The following MMEL1 variants were observed in gnomAD, a reference collection of about 807,000 sequenced individuals.
MMEL1 encodes the protein membrane metalloendopeptidase like 1.
In MMEL1, 98 loss-of-function variants were observed where a neutral mutation model predicts 117.1. The ratio of observed to expected loss-of-function variants is 0.84; its 90% CI spans 0.71 to 0.99. The LOEUF (loss-of-function observed/expected upper bound fraction) is 0.99. Ranked by LOEUF, MMEL1 falls within the 50% of genes least tolerant of loss-of-function variation. MMEL1 has a pLI of 0.00. For synonymous variants in MMEL1, 390 were observed against 415.1 expected, an observed-to-expected ratio of 0.94 and a Z score of 0.74; for missense variants, 1,014 against 1,049.1, an observed-to-expected ratio of 0.97 and a Z score of 0.46.
chr1:2,604,563 C>G (rs4648563), intron 9 of MMEL1, among the ~76,000 whole-genome samples: 62,763 of 151,906 alleles, frequency 0.41, 13,929 homozygotes, highest in African/African-American at 0.56. Context: ...TGCTGGGGCT[C>G]TCAGTGCTGG....
At chr1:2,607,111 G>A (rs998877920) in intron 6 of MMEL1, 42 bp from the exon 7 acceptor site, 1 of 1,555,728 alleles carries the variant, frequency 6.4e-7, no homozygotes, top group Non-Finnish European at 8.8e-7. Flanking sequence ...CCTCCCTGTG[G>A]CTCACGTGCC....
At chr1:2,605,469 G>T in intron 9 of MMEL1, 89 bp downstream of exon 9, 2 of 1,158,966 alleles carry the variant, frequency 1.7e-6, no homozygotes, top group African/African-American at 1.5e-5. Context: ...GCTTCGGGGA[G>T]GGAAGGCCAG....
At position 2,612,447 on chromosome 1, in the gene MMEL1, C is replaced by A. The variant is rs1645145973; in HGVS notation, c.155-243G>T. Among the ~76,000 whole-genome samples, 1 of 152,160 alleles carries A rather than the reference C, an allele frequency of 6.6e-6. No homozygotes were observed. The highest frequency in any genetic ancestry group is 2.4e-5 in the African/African-American group (1 of 41,424). ...GGCGGTTTGCCCTGCCTTGCCAGCC[C>A]CACCCTTTAATTCTCCCTCCACCCA... On this transcript the variant is annotated intron_variant, in intron 2 of 23. Coordinates refer to ENST00000378412, the MANE Select transcript of MMEL1 (RefSeq NM_033467.4). The surrounding 1 kb of genome is among the most constrained non-coding windows in gnomAD (Gnocchi z 5.4).
At chr1:2,593,090 A>G (rs1384826852) in intron 19 of MMEL1, 124 bp from the exon 20 acceptor site, 2 of 1,246,266 alleles carry the variant, frequency 1.6e-6, no homozygotes, top group East Asian at 2.3e-5. Context: ...GAGAGCCCAC[A>G]GTCTGAGTAG....
At chr1:2,621,545 C>T (rs1645288907) in intron 2 of MMEL1, among the ~76,000 whole-genome samples, 1 of 151,798 alleles carries the variant, frequency 6.6e-6, no homozygotes, top group South Asian at 2.1e-4. Context: ...TGGAGTTGTC[C>T]CACCTTTCTG....
Position 2,629,522 on chromosome 1 carries a change from C to G in MMEL1, c.-37-1G>C. 3 of 1,435,688 alleles carry G rather than the reference C, an allele frequency of 2.1e-6. No homozygotes were observed. In the South Asian group the frequency reaches 4.2e-5, roughly 20 times the overall value. 88.9% of individuals were successfully genotyped at this position (1,435,688 alleles called of 1,614,324 possible). A position where few individuals can be genotyped will look rare whatever the true frequency, so the allele number is the denominator to read the frequency against. On this transcript the variant is annotated splice_acceptor_variant, in intron 1 of 23. Transcript: ENST00000378412. LOFTEE classifies it low-confidence loss of function (5UTR_SPLICE). ...GGACGGGAGAGCACCGCGGAGGAAC[C>G]TGCAGGCCCAGGGCAGGGGAGAGGG... is the stretch of plus-strand genomic sequence containing the variant.
intron 2 of MMEL1, among the ~76,000 whole-genome samples, chr1:2,619,709 A>G (rs1645262619): frequency 6.6e-6 from 1 of 152,050 alleles, no homozygotes; most frequent in South Asian, 2.1e-4. Context: ...TAAAAAATCA[A>G]TTTGAAAAAG....
At position 2,604,135 on chromosome 1, in the gene MMEL1, C is replaced by CCCCCCCCCAACAA; in HGVS notation, c.951+11_951+12insTTGTTGGGGGGGG. On this transcript the variant is annotated intron_variant, in intron 10 of 23. Transcript: ENST00000378412. Reference sequence around the variant, plus strand: ...CTCGCTGCCCGCTCCCCACCCGCCCCGGCCCCCTTACCTTGGCCAGCTGTG... The same window carrying CCCCCCCCCAACAA: ...CTCGCTGCCCGCTCCCCACCCGCCCCCCCCCCCCAACAAGGCCCCCTTACCTTGGCCAGCTGTG... 6.6e-7 allele frequency: 1 copy of CCCCCCCCCAACAA among 1,520,166 alleles called. No homozygotes were observed. Among genetic ancestry groups the CCCCCCCCCAACAA allele is most frequent in the Non-Finnish European group, 9.1e-7 (1 of 1,100,358 alleles). The allele number at this position is 1,520,166 out of a possible 1,614,324, so 94.2% of individuals were successfully genotyped here. A position where few individuals can be genotyped will look rare whatever the true frequency, so the allele number is the denominator to read the frequency against.
intron 2 of MMEL1, among the ~76,000 whole-genome samples, chr1:2,621,754 G>A (rs984910029): frequency 1.3e-5 from 2 of 152,104 alleles, no homozygotes; most frequent in South Asian, 4.1e-4. Context: ...GTAGAGATGG[G>A]GTTTCTCACA....
At chr1:2,600,261 C>G (rs1644910250) in intron 11 of MMEL1, among the ~76,000 whole-genome samples, 1 of 151,882 alleles carries the variant, frequency 6.6e-6, no homozygotes, top group African/African-American at 2.4e-5. Flanking sequence ...AGCCACCATG[C>G]CTGGCCAAAC....
intron 6 of MMEL1, 40 bp downstream of exon 6, chr1:2,609,299 C>A (rs774251928): frequency 1.3e-6 from 2 of 1,583,620 alleles, no homozygotes; most frequent in Admixed American, 1.8e-5. Context: ...AGCCCGCCCC[C>A]GTCCCCTGCC....
intron 1 of MMEL1, chr1:2,630,234 C>G (rs970711588): frequency 6.6e-6 from 1 of 152,496 alleles, no homozygotes; most frequent in African/African-American, 2.4e-5. Flanking sequence ...ACACTGGACT[C>G]AGGAGGCTCC....
At chr1:2,624,119 C>T (rs558013821) in intron 2 of MMEL1, among the ~76,000 whole-genome samples, 17 of 152,252 alleles carry the variant, frequency 1.1e-4, no homozygotes, top group African/African-American at 2.4e-4. Context: ...GACTGGGCCA[C>T]GACACCAGAG....
chr1:2,632,190 G>T (rs907394907), intron 1 of MMEL1, among the ~76,000 whole-genome samples: 6 of 151,726 alleles, frequency 4.0e-5, no homozygotes, highest in Non-Finnish European at 7.4e-5. Flanking sequence ...AACTCGGGGA[G>T]CCCCAGCCCC....
At chr1:2,598,397 CAG>C in intron 12 of MMEL1, 97 bp from the exon 13 acceptor site, 1 of 1,335,118 alleles carries the variant, frequency 7.5e-7, no homozygotes, top group Non-Finnish European at 1.1e-6. Context: ...CGTTCCACCC[CAG>C]AGAGTTATGG....
At chr1:2,602,940 C>T (rs941671066) in intron 11 of MMEL1, among the ~76,000 whole-genome samples, 2 of 152,156 alleles carry the variant, frequency 1.3e-5, no homozygotes, top group Admixed American at 6.5e-5. Context: ...TCTCCCGCAC[C>T]GGAACCTCGA....
intron 2 of MMEL1, among the ~76,000 whole-genome samples, chr1:2,624,147 C>T (rs1026916211): frequency 1.3e-5 from 2 of 152,306 alleles, no homozygotes; most frequent in African/African-American, 4.8e-5. Flanking sequence ...ACCTCCAGCC[C>T]GAGCCTAGTA....
At position 2,612,563 on chromosome 1, in the gene MMEL1, G is replaced by T. The variant is rs1196869769; in HGVS notation, c.155-359C>A. 6.6e-6 allele frequency among the ~76,000 whole-genome samples: 1 copy of T among 152,134 alleles called. No homozygotes were observed. The highest frequency in any genetic ancestry group is 1.5e-5 in the Non-Finnish European group (1 of 68,016). On this transcript the variant is annotated intron_variant, in intron 2 of 23. Transcript: ENST00000378412. The surrounding 1 kb of genome is among the most constrained non-coding windows in gnomAD (Gnocchi z 5.4). ...GCCTCCTCTACCTCAGGATCTTCCT[G>T]ACCCTGACAAGGCCCACACAAGGTG...
intron 9 of MMEL1, among the ~76,000 whole-genome samples, 154 bp from the exon 10 acceptor site, chr1:2,604,435 C>T (rs914091397): frequency 3.9e-5 from 6 of 152,166 alleles, no homozygotes; most frequent in East Asian, 1.9e-4. Context: ...CACAGAGTGC[C>T]GAGTGGGAGC....
Sources: gnomAD v4.1 joint callset for allele counts (sites outside exome capture counted in the v4.1 genomes callset) on GRCh38, gnomAD v4.1.1 for gene constraint, Gnocchi (gnomAD v3.1) non-coding constraint, MANE v1.5 for transcripts, NCBI Gene and HGNC (gene_info 2026-07-23, HGNC 2026-07-21) for gene names.